Variants in MYT1L observed in about 807,000 individuals in gnomAD.
The protein encoded by MYT1L is myelin transcription factor 1-like protein.
Under a neutral mutation model 126.7 loss-of-function variants are expected in MYT1L, and 12 were observed. The observed-to-expected ratio is 0.09, with a 90% CI of 0.06 to 0.15. The LOEUF (loss-of-function observed/expected upper bound fraction) is 0.15. Ranked by LOEUF, MYT1L falls within the 10% of genes least tolerant of loss-of-function variation. The pLI is 1.00. For synonymous variants in MYT1L, 541 were observed against 604.2 expected (o/e 0.90, Z 1.53); for missense variants, 979 against 1,585.2 (o/e 0.62, Z 6.49).
intron 3 of MYT1L, among the ~76,000 whole-genome samples, chr2:2,137,471 G>A (rs1415330804): frequency 1.3e-5 from 2 of 152,140 alleles, no homozygotes; most frequent in African/African-American, 4.8e-5. Flanking sequence ...AAAACAGCAT[G>A]GTACTGGTAC....
intron 1 of MYT1L, among the ~76,000 whole-genome samples, chr2:2,322,700 G>A (rs1435926848): frequency 6.6e-6 from 1 of 152,062 alleles, no homozygotes; most frequent in Non-Finnish European, 1.5e-5. Context: ...AATGCACAAG[G>A]TGAGGTTAAA....
chr2:1,932,097 T>C (rs1414017339), intron 9 of MYT1L, among the ~76,000 whole-genome samples: 2 of 152,250 alleles, frequency 1.3e-5, no homozygotes, highest in East Asian at 3.9e-4. Flanking sequence ...TGGTGTGAGG[T>C]AATAGCAGCC....
In MYT1L at chr2:1,791,512, C is replaced by T; in HGVS notation, c.*355G>A. Reference sequence around the variant, plus strand: ...TGTGTGTCCATTTCAGTTCAAAATACTAAAACATTTAATCACTAAAGCATT... The same window carrying T: ...TGTGTGTCCATTTCAGTTCAAAATATTAAAACATTTAATCACTAAAGCATT... On this transcript the variant is annotated 3_prime_UTR_variant, in exon 25 of 25. Coordinates refer to ENST00000647738, the MANE Select transcript of MYT1L (RefSeq NM_001303052.2). This position sits in a 1 kb window ranked among gnomAD's most constrained non-coding sequence, Gnocchi z 6.0. The T allele has an allele frequency of 3.1e-6, 1 of 325,384 alleles. No homozygotes were observed. Among genetic ancestry groups the T allele is most frequent in the South Asian group, 2.8e-5 (1 of 36,202 alleles). 20.2% of individuals were successfully genotyped at this position (325,384 alleles called of 1,614,324 possible).
intron 8 of MYT1L, among the ~76,000 whole-genome samples, chr2:1,967,883 C>T (rs912844059): frequency 5.3e-5 from 8 of 152,304 alleles, no homozygotes; most frequent in African/African-American, 1.9e-4. Flanking sequence ...GGAGCCTAGA[C>T]TCCACTTCCG....
intron 4 of MYT1L, among the ~76,000 whole-genome samples, chr2:1,998,152 G>T (rs2062034932): frequency 6.6e-6 from 1 of 152,184 alleles, no homozygotes; most frequent in African/African-American, 2.4e-5. Context: ...GCCTTGGGTG[G>T]TGGCATTGGA....
intron 18 of MYT1L, among the ~76,000 whole-genome samples, chr2:1,855,931 A>G (rs2043858997): frequency 6.6e-6 from 1 of 152,190 alleles, no homozygotes; most frequent in South Asian, 2.1e-4. Context: ...AGAGAAAATA[A>G]CTTTTGGTTG....
intron 15 of MYT1L, among the ~76,000 whole-genome samples, chr2:1,891,386 C>G (rs2048857907): frequency 6.6e-6 from 1 of 152,224 alleles, no homozygotes; most frequent in Non-Finnish European, 1.5e-5. Context: ...CTCGGCGAGG[C>G]AGCTGTCTCC....
rs1472842190 is a variant in MYT1L at position 2,100,664 on chromosome 2, T to A, written c.-303-46541A>T. The stretch of plus-strand genomic sequence containing the variant: ...GTGAAGTCTTCTCTGTTCCCCTAAG[T>A]GGTTTAAATTCAAAATCCTGGAAGA... On this transcript the variant is annotated intron_variant, in intron 3 of 24. Transcript: ENST00000647738. Among the ~76,000 whole-genome samples, 3 of 152,156 alleles carry A rather than the reference T, an allele frequency of 2.0e-5. 1 individual carries two copies.
chr2:2,171,690 G>A (rs2090080776), intron 3 of MYT1L, among the ~76,000 whole-genome samples: 1 of 151,974 alleles, frequency 6.6e-6, no homozygotes, highest in Non-Finnish European at 1.5e-5. Flanking sequence ...TTCCCCAAAC[G>A]GAACCAATGA....
chr2:1,956,675 A>T (rs1340349465), intron 8 of MYT1L, among the ~76,000 whole-genome samples: 1 of 151,614 alleles, frequency 6.6e-6, no homozygotes, highest in Non-Finnish European at 1.5e-5. Flanking sequence ...ATCTATCATC[A>T]TCATCATGAT....
At chr2:2,057,325 C>T (rs948240016) in intron 3 of MYT1L, among the ~76,000 whole-genome samples, 1 of 151,636 alleles carries the variant, frequency 6.6e-6, no homozygotes. Context: ...ACGCCCACTC[C>T]CTGCCCTTTC....
At chr2:1,850,266 CTT>C (rs1369639061) in intron 19 of MYT1L, among the ~76,000 whole-genome samples, 1 of 136,330 alleles carries the variant, frequency 7.3e-6, no homozygotes, top group Non-Finnish European at 1.5e-5. Context: ...TCTTTTCTCT[CTT>C]TCTTTTTTAT....
At position 2,102,604 on chromosome 2, in the gene MYT1L, ATGTGTGTGTGTGTGTGTG is replaced by A. The variant is rs3047992; in HGVS notation, c.-303-48499_-303-48482del. Among the ~76,000 whole-genome samples the A allele has an allele frequency of 4.3e-3, 609 of 143,122 alleles. 3 individuals carry two copies. Among genetic ancestry groups the A allele is most frequent in the Non-Finnish European group, 6.6e-3 (429 of 65,104 alleles). The allele number at this position is 143,122 out of a possible 152,430, so 93.9% of individuals were successfully genotyped here. On this transcript the variant is annotated intron_variant, in intron 3 of 24. Coordinates refer to ENST00000647738, the MANE Select transcript of MYT1L (RefSeq NM_001303052.2). ...TCCATTTTGGCAATGCCTCTTGGGA[ATGTGTGTGTGTGTGTGTG>A]TGTGTGTGTGTGTGTGTGTGTATAA...
At chr2:2,292,556 G>A (rs1281546774) in intron 1 of MYT1L, among the ~76,000 whole-genome samples, 1 of 152,116 alleles carries the variant, frequency 6.6e-6, no homozygotes, top group Non-Finnish European at 1.5e-5. Flanking sequence ...TCAGCACTCG[G>A]GGACAGCCTC....
chr2:2,286,943 G>A (rs991192571), intron 1 of MYT1L, among the ~76,000 whole-genome samples: 10 of 152,122 alleles, frequency 6.6e-5, no homozygotes, highest in African/African-American at 2.4e-4. Flanking sequence ...CCTGAGAGAG[G>A]GAGACACAGA....
intron 3 of MYT1L, among the ~76,000 whole-genome samples, chr2:2,086,698 G>A (rs891883074): frequency 6.6e-6 from 1 of 152,128 alleles, no homozygotes; most frequent in African/African-American, 2.4e-5. Flanking sequence ...CCAGGCCTCC[G>A]CTCTCTTAGC....
intron 4 of MYT1L, among the ~76,000 whole-genome samples, chr2:2,008,793 T>C (rs892005352): frequency 5.3e-5 from 8 of 152,176 alleles, no homozygotes; most frequent in African/African-American, 1.7e-4. Flanking sequence ...ATTTTCTTCT[T>C]GGAGTTTTAT....
rs1261646149 is a variant in MYT1L at position 2,262,919 on chromosome 2, TATATATATATATAACCTGTG to T, written c.-421+21465_-421+21484del. ...TTACCCCAGGTGAGAGGCACAAATA[TATATATATATATAACCTGTG>T]ATATATATATATATATCACAGGTAA... On this transcript the variant is annotated intron_variant, in intron 2 of 24. Transcript: ENST00000647738. Among the ~76,000 whole-genome samples, 19 of 92,860 alleles carry T rather than the reference TATATATATATATAACCTGTG, an allele frequency of 2.0e-4. 4 individuals are homozygous for T. The highest frequency in any genetic ancestry group is 8.3e-4 in the African/African-American group (18 of 21,612). The allele number at this position is 92,860 out of a possible 152,430, so 60.9% of individuals were successfully genotyped here. A position where few individuals can be genotyped will look rare whatever the true frequency, so the allele number is the denominator to read the frequency against.
Position 1,801,856 on chromosome 2 carries a change from G to T in MYT1L, c.3173-57C>A. 1 of 1,083,748 alleles carries T rather than the reference G, an allele frequency of 9.2e-7. No homozygotes were observed. The allele number at this position is 1,083,748 out of a possible 1,614,324, so 67.1% of individuals were successfully genotyped here. On this transcript the variant is annotated intron_variant, in intron 22 of 24. Transcript: ENST00000647738. This position sits in a 1 kb window ranked among gnomAD's most constrained non-coding sequence, Gnocchi z 4.2. ...GTTATATACAAAAATATTAGAGTTA[G>T]AATTTTGGGAGCTTTCTTTGTTCCT... is the stretch of plus-strand genomic sequence containing the variant.
Sources: allele counts gnomAD v4.1 joint callset (sites outside exome capture counted in the v4.1 genomes callset), GRCh38; gene constraint gnomAD v4.1.1; non-coding constraint Gnocchi (gnomAD v3.1); transcripts MANE v1.5; gene names NCBI Gene and HGNC (gene_info 2026-07-23, HGNC 2026-07-21).